Variants in PPIB observed in about 807,000 individuals in gnomAD.
The protein encoded by PPIB is peptidyl-prolyl cis-trans isomerase B.
A neutral mutation model predicts 20.1 loss-of-function variants in PPIB; 15 were observed. The ratio of observed to expected loss-of-function variants is 0.75; its 90% CI spans 0.50 to 1.15. PPIB has a LOEUF of 1.15. Ranked by LOEUF, PPIB falls within the 50% of genes most tolerant of loss-of-function variation. PPIB has a pLI of 0.00. For synonymous variants in PPIB, 129 were observed against 111.0 expected (o/e 1.16, Z -1.02); for missense variants, 278 against 283.0 (o/e 0.98, Z 0.13).
In PPIB at chr15:64,158,209, C is replaced by T. The variant is rs764077346; in HGVS notation, c.344-1300G>A. On this transcript the variant is annotated intron_variant, in intron 3 of 4. Coordinates refer to ENST00000300026, the MANE Select transcript of PPIB (RefSeq NM_000942.5). The surrounding 1 kb of genome is among the most constrained non-coding windows in gnomAD (Gnocchi z 4.7). ...ACGTGGCTCAGGTTGTCCCTACCCA[C>T]TCCCCATGTACTTACTCTTTCTTTC... Among the ~76,000 whole-genome samples the T allele has an allele frequency of 6.6e-6, 1 of 152,220 alleles. No homozygotes were observed. Among genetic ancestry groups the T allele is most frequent in the Non-Finnish European group, 1.5e-5 (1 of 68,052 alleles).
rs1346961687 is a variant in PPIB, at chr15:64,157,895, TTCTGCC to T, written c.344-992_344-987del. On this transcript the variant is annotated intron_variant, in intron 3 of 4. Coordinates refer to ENST00000300026, the MANE Select transcript of PPIB (RefSeq NM_000942.5). This position sits in a 1 kb window ranked among gnomAD's most constrained non-coding sequence, Gnocchi z 4.2. ...ACTCTGGCTGGTGGGGACAGGGTGC[TTCTGCC>T]TGTGCTCCACCTCTCACCCCCACGC... Among the ~76,000 whole-genome samples the T allele has an allele frequency of 6.6e-5, 10 of 152,262 alleles. 1 individual carries two copies. In the South Asian group the frequency reaches 2.1e-3, roughly 32 times the overall value.
At position 64,156,573 on chromosome 15, in the gene PPIB, G is replaced by T. The variant is rs1180005386; in HGVS notation, c.528+152C>A. ...AATTTAGAACCTTGGAGGCATGGAGGTACAGGGTTTATTCTGGACAGGAGC... is the reference window on the plus strand; with the variant it reads ...AATTTAGAACCTTGGAGGCATGGAGTTACAGGGTTTATTCTGGACAGGAGC... On this transcript the variant is annotated intron_variant, in intron 4 of 4. Coordinates refer to ENST00000300026, the MANE Select transcript of PPIB (RefSeq NM_000942.5). This position sits in a 1 kb window ranked among gnomAD's most constrained non-coding sequence, Gnocchi z 6.4. 5.1e-6 allele frequency: 5 copies of T among 972,004 alleles called. No homozygotes were observed. Among genetic ancestry groups the T allele is most frequent in the Admixed American group, 3.4e-5 (2 of 58,202 alleles). 60.2% of individuals were successfully genotyped at this position (972,004 alleles called of 1,614,324 possible). A position where few individuals can be genotyped will look rare whatever the true frequency, so the allele number is the denominator to read the frequency against.
In PPIB at chr15:64,158,139, T is replaced by G. The variant is rs1479915167; in HGVS notation, c.344-1230A>C. On this transcript the variant is annotated intron_variant, in intron 3 of 4. Coordinates refer to ENST00000300026, the MANE Select transcript of PPIB (RefSeq NM_000942.5). The surrounding 1 kb of genome is among the most constrained non-coding windows in gnomAD (Gnocchi z 4.7). The stretch of plus-strand genomic sequence containing the variant: ...TTTAAACTCAACATACCTTGTCATC[T>G]TTCTCTCCAGACCTCAGTTATTCTT... Among the ~76,000 whole-genome samples the G allele has an allele frequency of 6.6e-6, 1 of 152,230 alleles. No homozygotes were observed. Among genetic ancestry groups the G allele is most frequent in the Non-Finnish European group, 1.5e-5 (1 of 68,042 alleles).
At position 64,156,629 on chromosome 15, in the gene PPIB, T is replaced by C. The variant is rs1370320593; in HGVS notation, c.528+96A>G. ...GCTGCATCTGTGGGTTGGGTCCTTT[T>C]GGGAAAGGGATGGACACATGGAGCT... On this transcript the variant is annotated intron_variant, in intron 4 of 4. Transcript: ENST00000300026. This position sits in a 1 kb window ranked among gnomAD's most constrained non-coding sequence, Gnocchi z 6.4. The C allele has an allele frequency of 6.7e-7, 1 of 1,482,492 alleles. No homozygotes were observed. The highest frequency in any genetic ancestry group is 9.4e-7 in the Non-Finnish European group (1 of 1,060,838). 91.8% of individuals were successfully genotyped at this position (1,482,492 alleles called of 1,614,324 possible).
intron 1 of PPIB, 142 bp downstream of exon 1, chr15:64,162,710 T>C (rs1232675037): frequency 1.4e-6 from 2 of 1,394,470 alleles, no homozygotes; most frequent in Non-Finnish European, 2.0e-6. Context: ...GTCCGGGTCG[T>C]TCCCTGGACT....
rs1224378544 is a variant in PPIB at position 64,159,402 on chromosome 15, C to CT, written c.343+701dup. On this transcript the variant is annotated intron_variant, in intron 3 of 4. Coordinates refer to ENST00000300026, the MANE Select transcript of PPIB (RefSeq NM_000942.5). This position sits in a 1 kb window ranked among gnomAD's most constrained non-coding sequence, Gnocchi z 5.1. ...GTCAAGGAAAGTAACTGCTCCCACT[C>CT]TTTTTTTTATTTTTTTGAGATGGAG... is the stretch of plus-strand genomic sequence containing the variant. 2.0e-5 allele frequency: 3 copies of CT among 153,376 alleles called. No homozygotes were observed. The highest frequency in any genetic ancestry group is 4.3e-5 in the Non-Finnish European group (3 of 69,088). The allele number at this position is 153,376 out of a possible 1,614,324, so 9.5% of individuals were successfully genotyped here.
chr15:64,159,992 G>T lies in PPIB; in HGVS notation c.343+112C>A. ...CTCAAAGTAGGTAAGTAATAAGTAG[G>T]CCTGCCTCTAGAGCTGGGGAAGAAA... is the stretch of plus-strand genomic sequence containing the variant. On this transcript the variant is annotated intron_variant, in intron 3 of 4. Transcript: ENST00000300026. This position sits in a 1 kb window ranked among gnomAD's most constrained non-coding sequence, Gnocchi z 5.1. The T allele has an allele frequency of 1.1e-6, 1 of 920,122 alleles. No individual in the cohort carries two copies. Among genetic ancestry groups the T allele is most frequent in the Non-Finnish European group, 1.8e-6 (1 of 559,450 alleles). 57.0% of individuals were successfully genotyped at this position (920,122 alleles called of 1,614,324 possible).
chr15:64,159,996 G>T lies in PPIB; in HGVS notation c.343+108C>A. ...AAGTAGGTAAGTAATAAGTAGGCCT[G>T]CCTCTAGAGCTGGGGAAGAAAGAGG... On this transcript the variant is annotated intron_variant, in intron 3 of 4. Coordinates refer to ENST00000300026, the MANE Select transcript of PPIB (RefSeq NM_000942.5). This position sits in a 1 kb window ranked among gnomAD's most constrained non-coding sequence, Gnocchi z 5.1. 1 of 960,116 alleles carries T rather than the reference G, an allele frequency of 1.0e-6. No individual in the cohort carries two copies. 59.5% of individuals were successfully genotyped at this position (960,116 alleles called of 1,614,324 possible).
intron 1 of PPIB, among the ~76,000 whole-genome samples, chr15:64,162,388 A>T (rs989364833): frequency 3.3e-5 from 5 of 152,208 alleles, no homozygotes; most frequent in Non-Finnish European, 7.3e-5. Flanking sequence ...CAGGATAACA[A>T]TATTTGCTCT....
rs771227401 is a variant in PPIB, at chr15:64,160,062, G to A, written c.343+42C>T. ...AGAACCTGGCCCTCCCACTGTGGAG[G>A]CTACACTGACATACTCCTTGGCCCA... is the stretch of plus-strand genomic sequence containing the variant. On this transcript the variant is annotated intron_variant, in intron 3 of 4. Coordinates refer to ENST00000300026, the MANE Select transcript of PPIB (RefSeq NM_000942.5). The surrounding 1 kb of genome is among the most constrained non-coding windows in gnomAD (Gnocchi z 4.8). The A allele has an allele frequency of 4.6e-6, 7 of 1,526,422 alleles. No homozygotes were observed. Among genetic ancestry groups the A allele is most frequent in the Non-Finnish European group, 6.4e-6 (7 of 1,100,570 alleles). The allele number at this position is 1,526,422 out of a possible 1,614,324, so 94.6% of individuals were successfully genotyped here.
rs1596028543 is a variant in PPIB, at chr15:64,157,023, T to A, written c.344-114A>T. The A allele has an allele frequency of 2.6e-6, 3 of 1,148,676 alleles. No homozygotes were observed. The highest frequency in any genetic ancestry group is 3.7e-6 in the Non-Finnish European group (3 of 803,700). 71.2% of individuals were successfully genotyped at this position (1,148,676 alleles called of 1,614,324 possible). A position where few individuals can be genotyped will look rare whatever the true frequency, so the allele number is the denominator to read the frequency against. On this transcript the variant is annotated intron_variant, in intron 3 of 4. Coordinates refer to ENST00000300026, the MANE Select transcript of PPIB (RefSeq NM_000942.5). The surrounding 1 kb of genome is among the most constrained non-coding windows in gnomAD (Gnocchi z 4.2). ...TCCTCTGTGCCAGGCTAGGCTGGAG[T>A]GGACTACAAGGACATAAAAGCAGCG... is the stretch of plus-strand genomic sequence containing the variant.
chr15:64,156,246 A>G lies in PPIB; in HGVS notation c.529-101T>C. ...TGGCTCAGGAGGGCTAAGACCCACA[A>G]GTGATCAACAGCACACAAAACTGGA... On this transcript the variant is annotated intron_variant, in intron 4 of 4. Coordinates refer to ENST00000300026, the MANE Select transcript of PPIB (RefSeq NM_000942.5). The surrounding 1 kb of genome is among the most constrained non-coding windows in gnomAD (Gnocchi z 6.4). 1.4e-6 allele frequency: 2 copies of G among 1,459,120 alleles called. No homozygotes were observed. Among genetic ancestry groups the G allele is most frequent in the Non-Finnish European group, 1.9e-6 (2 of 1,058,466 alleles). The allele number at this position is 1,459,120 out of a possible 1,614,324, so 90.4% of individuals were successfully genotyped here. A position where few individuals can be genotyped will look rare whatever the true frequency, so the allele number is the denominator to read the frequency against.
intron 1 of PPIB, 149 bp from the exon 2 acceptor site, chr15:64,162,303 A>T (rs1435839884): frequency 8.3e-6 from 6 of 722,208 alleles, no homozygotes; most frequent in Non-Finnish European, 1.5e-5. Context: ...TGACGGTAAA[A>T]ATCCTATGAG....
At position 64,162,898 on chromosome 15, in the gene PPIB, G is replaced by GGTCCC; in HGVS notation, c.84_88dup (p.Pro30ArgfsTer30). ...CTTCTTCTTCTCATCGGCCGCAGAA[G>GGTCCC]GTCCCGGCAGCAGCAGGAAGAAGAC... On this transcript the variant is annotated frameshift_variant, in exon 1 of 5. Coordinates refer to ENST00000300026, the MANE Select transcript of PPIB (RefSeq NM_000942.5). LOFTEE classifies it high-confidence loss of function. 1 of 1,613,232 alleles carries GGTCCC rather than the reference G, an allele frequency of 6.2e-7. No homozygotes were observed. Among genetic ancestry groups the GGTCCC allele is most frequent in the African/African-American group, 1.3e-5 (1 of 75,058 alleles).
At chr15:64,162,358 T>A (rs2081567837) in intron 1 of PPIB, among the ~76,000 whole-genome samples, 2 of 152,226 alleles carry the variant, frequency 1.3e-5, no homozygotes, top group Non-Finnish European at 2.9e-5. Context: ...AACATGCTTA[T>A]CTATACCCTC....
Position 64,156,987 on chromosome 15 carries a change from G to A in PPIB, c.344-78C>T. On this transcript the variant is annotated intron_variant, in intron 3 of 4. Coordinates refer to ENST00000300026, the MANE Select transcript of PPIB (RefSeq NM_000942.5). The surrounding 1 kb of genome is among the most constrained non-coding windows in gnomAD (Gnocchi z 6.4). ...AGACATTCGGGGCCAGGACTGAGGG[G>A]GCTTAACCTGTCCTCTGTGCCAGGC... is the stretch of plus-strand genomic sequence containing the variant. The A allele has an allele frequency of 1.4e-6, 2 of 1,441,980 alleles. No individual in the cohort carries two copies. Among genetic ancestry groups the A allele is most frequent in the Non-Finnish European group, 1.9e-6 (2 of 1,038,150 alleles). 89.3% of individuals were successfully genotyped at this position (1,441,980 alleles called of 1,614,324 possible).
chr15:64,157,707 A>C lies in PPIB; in HGVS notation c.344-798T>G, dbSNP rs1567345899. ...TTGTTTTATCTAACACCTTTCAAAC[A>C]TATTTGCATGCAAAACTCTTTTTTC... On this transcript the variant is annotated intron_variant, in intron 3 of 4. Coordinates refer to ENST00000300026, the MANE Select transcript of PPIB (RefSeq NM_000942.5). The surrounding 1 kb of genome is among the most constrained non-coding windows in gnomAD (Gnocchi z 4.2). Among the ~76,000 whole-genome samples the C allele has an allele frequency of 6.6e-6, 1 of 152,232 alleles. No individual in the cohort carries two copies. Among genetic ancestry groups the C allele is most frequent in the African/African-American group, 2.4e-5 (1 of 41,452 alleles).
Position 64,156,239 on chromosome 15 carries a change from A to T in PPIB, c.529-94T>A, listed in dbSNP as rs896806324. On this transcript the variant is annotated intron_variant, in intron 4 of 4. Coordinates refer to ENST00000300026, the MANE Select transcript of PPIB (RefSeq NM_000942.5). This position sits in a 1 kb window ranked among gnomAD's most constrained non-coding sequence, Gnocchi z 6.4. ...CAGCGTATGGCTCAGGAGGGCTAAGACCCACAAGTGATCAACAGCACACAA... is the reference window on the plus strand; with the variant it reads ...CAGCGTATGGCTCAGGAGGGCTAAGTCCCACAAGTGATCAACAGCACACAA... The T allele has an allele frequency of 9.3e-6, 14 of 1,510,066 alleles. No individual in the cohort carries two copies. Among genetic ancestry groups the T allele is most frequent in the African/African-American group, 4.1e-5 (3 of 72,696 alleles). The allele number at this position is 1,510,066 out of a possible 1,614,324, so 93.5% of individuals were successfully genotyped here.
intron 2 of PPIB, 32 bp downstream of exon 2, chr15:64,162,009 G>T: frequency 1.3e-6 from 2 of 1,508,374 alleles, no homozygotes; most frequent in Non-Finnish European, 1.8e-6. Context: ...TTCACTTCAT[G>T]TGAGTTGACT....
Sources: gnomAD v4.1 joint callset for allele counts (sites outside exome capture counted in the v4.1 genomes callset) on GRCh38, gnomAD v4.1.1 for gene constraint, Gnocchi (gnomAD v3.1) non-coding constraint, MANE v1.5 for transcripts, NCBI Gene and HGNC (gene_info 2026-07-23, HGNC 2026-07-21) for gene names.